Variants in CDH8 observed in about 807,000 individuals in gnomAD.
CDH8 encodes cadherin-8.
CDH8 carries 17 observed loss-of-function variants against 68.1 expected under a neutral mutation model. The ratio of observed to expected loss-of-function variants is 0.25; its 90% confidence interval spans 0.17 to 0.37. CDH8 has a LOEUF of 0.37. CDH8 is among the 10% of genes least tolerant of loss of function. The pLI is 1.00. For missense variants in CDH8, 763 were observed against 999.3 expected, an observed-to-expected ratio of 0.76 and a Z score of 3.19; for synonymous variants, 372 against 365.1, an observed-to-expected ratio of 1.02 and a Z score of -0.21.
intron 2 of CDH8, among the ~76,000 whole-genome samples, chr16:61,988,981 A>G (rs945893711): frequency 3.9e-5 from 6 of 152,168 alleles, no homozygotes; most frequent in Non-Finnish European, 8.8e-5. Flanking sequence ...TGAGAGGGTC[A>G]GGGTACAGGC....
intron 2 of CDH8, among the ~76,000 whole-genome samples, chr16:61,972,571 GGTGTGT>G (rs1555525996): frequency 9.9e-5 from 13 of 131,466 alleles, no homozygotes; most frequent in Admixed American, 4.7e-4. Flanking sequence ...ACACATTGTG[GGTGTGT>G]GTGTGTGTGT....
At chr16:61,964,755 A>G (rs1364628703) in intron 2 of CDH8, among the ~76,000 whole-genome samples, 1 of 152,002 alleles carries the variant, frequency 6.6e-6, no homozygotes, top group Non-Finnish European at 1.5e-5. Flanking sequence ...TCCTAACTTA[A>G]GTGTTGGCCC....
At chr16:61,899,213 G>A (rs1963923893) in intron 3 of CDH8, among the ~76,000 whole-genome samples, 1 of 152,114 alleles carries the variant, frequency 6.6e-6, no homozygotes, top group African/African-American at 2.4e-5. Flanking sequence ...CCACTTATGA[G>A]TGAGAACATA....
At chr16:61,897,979 G>C (rs1480236869) in intron 3 of CDH8, among the ~76,000 whole-genome samples, 1 of 152,074 alleles carries the variant, frequency 6.6e-6, no homozygotes, top group Non-Finnish European at 1.5e-5. Context: ...CATTTTCCTA[G>C]GAAAAGTGTC....
intron 5 of CDH8, among the ~76,000 whole-genome samples, chr16:61,824,805 T>C (rs1302833341): frequency 1.2e-4 from 18 of 151,986 alleles, no homozygotes. Context: ...TCTTACTTAC[T>C]ATACGCTTGA....
At chr16:61,918,269 T>G (rs572569199) in intron 2 of CDH8, 2 of 152,528 alleles carry the variant, frequency 1.3e-5, no homozygotes, top group East Asian at 1.9e-4. Context: ...GAACTATGAG[T>G]GTCGACTCAA....
At chr16:61,961,269 C>G (rs998792507) in intron 2 of CDH8, among the ~76,000 whole-genome samples, 14 of 151,852 alleles carry the variant, frequency 9.2e-5, no homozygotes, top group Admixed American at 7.9e-4. Flanking sequence ...GAGCTGATAT[C>G]GCACCACTGC....
At chr16:61,944,621 G>A (rs1359653627) in intron 2 of CDH8, among the ~76,000 whole-genome samples, 1 of 152,104 alleles carries the variant, frequency 6.6e-6, no homozygotes, top group Non-Finnish European at 1.5e-5. Flanking sequence ...TACATTTTGA[G>A]AGATATTAAT....
intron 2 of CDH8, among the ~76,000 whole-genome samples, chr16:62,015,704 G>T (rs1227878435): frequency 6.6e-6 from 1 of 152,036 alleles, no homozygotes; most frequent in African/African-American, 2.4e-5. Flanking sequence ...TTAAGAGATG[G>T]GTCTATTGAA....
chr16:61,792,934 G>A (rs984550270), intron 7 of CDH8, among the ~76,000 whole-genome samples: 1 of 151,870 alleles, frequency 6.6e-6, no homozygotes, highest in Non-Finnish European at 1.5e-5. Flanking sequence ...ACCCCAAACT[G>A]GGACACAACA....
chr16:61,881,571 G>A (rs553612692), intron 3 of CDH8, among the ~76,000 whole-genome samples: 21 of 152,198 alleles, frequency 1.4e-4, no homozygotes, highest in African/African-American at 4.3e-4. Context: ...AATGCTCAGG[G>A]AATTCAGAAG....
intron 4 of CDH8, among the ~76,000 whole-genome samples, chr16:61,855,640 G>A (rs1003026415): frequency 6.6e-6 from 1 of 152,136 alleles, no homozygotes; most frequent in African/African-American, 2.4e-5. Context: ...TGGCCAAGAA[G>A]AGAACATTAC....
intron 7 of CDH8, among the ~76,000 whole-genome samples, chr16:61,801,773 C>T (rs554889133): frequency 3.9e-5 from 6 of 152,236 alleles, no homozygotes; most frequent in Admixed American, 6.5e-5. Context: ...TAAAAAGCGG[C>T]GAACCATGAG....
At chr16:61,748,919 C>G (rs1960090783) in intron 8 of CDH8, among the ~76,000 whole-genome samples, 1 of 151,946 alleles carries the variant, frequency 6.6e-6, no homozygotes, top group South Asian at 2.1e-4. Context: ...CAAATATGCC[C>G]TAAAATATTT....
At chr16:62,013,921 T>A (rs1383600968) in intron 2 of CDH8, among the ~76,000 whole-genome samples, 1 of 152,226 alleles carries the variant, frequency 6.6e-6, no homozygotes, top group Admixed American at 6.5e-5. Context: ...TCTGCCTTCA[T>A]GAGATGACTC....
At position 62,022,820 on chromosome 16, in the gene CDH8, G is replaced by A. The variant is rs149954146; in HGVS notation, c.-199-1218C>T. ...GGGGCAGACCCAGATTGTACTGCAA[G>A]TACAGGCAGTATCTGATCTAACAAG... is the stretch of plus-strand genomic sequence containing the variant. On this transcript the variant is annotated intron_variant, in intron 1 of 11. Transcript: ENST00000577390. 6.8e-4 allele frequency among the ~76,000 whole-genome samples: 103 copies of A among 152,308 alleles called. 1 individual carries two copies. Among genetic ancestry groups the A allele is most frequent in the Admixed American group, 7.8e-4 (12 of 15,298 alleles).
At chr16:61,797,127 C>G (rs1266096000) in intron 7 of CDH8, among the ~76,000 whole-genome samples, 1 of 151,848 alleles carries the variant, frequency 6.6e-6, no homozygotes, top group Non-Finnish European at 1.5e-5. Flanking sequence ...TTTTTTGTTG[C>G]TAACATATAT....
chr16:61,878,490 G>C (rs1963505198), intron 3 of CDH8, among the ~76,000 whole-genome samples: 1 of 152,128 alleles, frequency 6.6e-6, no homozygotes, highest in Non-Finnish European at 1.5e-5. Context: ...TTTGCTATAA[G>C]ACTCTCAAGA....
chr16:61,920,648 T>C (rs1964346990), intron 2 of CDH8, among the ~76,000 whole-genome samples: 3 of 33,642 alleles, frequency 8.9e-5, no homozygotes, highest in East Asian at 8.1e-4. Flanking sequence ...ACTTTTACAC[T>C]GTTGGTGGGA....
Sources: allele counts gnomAD v4.1 joint callset (sites outside exome capture counted in the v4.1 genomes callset), GRCh38; gene constraint gnomAD v4.1.1; transcripts MANE v1.5; gene names NCBI Gene and HGNC (gene_info 2026-07-23, HGNC 2026-07-21).